SH3GL1: variants seen among roughly 807,000 people sequenced by gnomAD.
SH3GL1 encodes the protein endophilin-A2.
Under a neutral mutation model 48.8 loss-of-function variants are expected in SH3GL1, and 21 were observed. The observed-to-expected ratio is 0.43, with a 90% CI of 0.30 to 0.62. SH3GL1 has a LOEUF of 0.62. SH3GL1 is among the 20% of genes least tolerant of loss of function. SH3GL1 has a pLI of 0.11. For missense variants in SH3GL1, 454 were observed against 503.0 expected, an observed-to-expected ratio of 0.90 and a Z score of 0.93; for synonymous variants, 282 against 217.5, an observed-to-expected ratio of 1.30 and a Z score of -2.61.
intron 1 of SH3GL1, among the ~76,000 whole-genome samples, chr19:4,399,061 G>C (rs898153354): frequency 2.0e-5 from 3 of 152,118 alleles, no homozygotes; most frequent in African/African-American, 7.2e-5. Flanking sequence ...GGCTTACGTC[G>C]ATAATCCCAG....
At chr19:4,397,145 T>A (rs1973440170) in intron 1 of SH3GL1, among the ~76,000 whole-genome samples, 1 of 152,102 alleles carries the variant, frequency 6.6e-6, no homozygotes, top group Admixed American at 6.5e-5. Context: ...TACGTCCAGA[T>A]AACAGCTGAG....
chr19:4,399,344 C>CAAAAA (rs1973479316), intron 1 of SH3GL1, among the ~76,000 whole-genome samples: 1 of 72,920 alleles, frequency 1.4e-5, no homozygotes, highest in African/African-American at 5.2e-5. Context: ...AAAAAAAAAT[C>CAAAAA]CAAGAAGTGT....
rs757649092 is a variant in SH3GL1, at chr19:4,360,380, G to A, written c.*1220C>T. 1.1e-5 allele frequency: 3 copies of A among 262,366 alleles called. No homozygotes were observed. The highest frequency in any genetic ancestry group is 5.8e-5 in the East Asian group (1 of 17,168). 16.3% of individuals were successfully genotyped at this position (262,366 alleles called of 1,614,324 possible). ...GACGAGGCAAGGGGCTGTAGAAAGAGACATTTAATACTTCTGTTTACAAAA... is the reference window on the plus strand; with the variant it reads ...GACGAGGCAAGGGGCTGTAGAAAGAAACATTTAATACTTCTGTTTACAAAA... On this transcript the variant is annotated 3_prime_UTR_variant, in exon 10 of 10. Coordinates refer to ENST00000269886, the MANE Select transcript of SH3GL1 (RefSeq NM_003025.4).
chr19:4,385,338 G>A (rs777459099), intron 1 of SH3GL1, among the ~76,000 whole-genome samples: 2 of 152,184 alleles, frequency 1.3e-5, no homozygotes, highest in East Asian at 1.9e-4. Context: ...ACCTTCATGA[G>A]GTGCCTGAAC....
At chr19:4,378,257 C>T (rs772234439) in intron 1 of SH3GL1, among the ~76,000 whole-genome samples, 37 of 152,150 alleles carry the variant, frequency 2.4e-4, no homozygotes, top group Non-Finnish European at 2.1e-4. Context: ...CGTAACGCCA[C>T]GAGGCAAGCA....
At chr19:4,370,027 T>C (rs1468588660) in intron 1 of SH3GL1, among the ~76,000 whole-genome samples, 2 of 96,838 alleles carry the variant, frequency 2.1e-5, no homozygotes, top group African/African-American at 9.5e-5. Flanking sequence ...CTCACTGCGG[T>C]CTCCACACCA....
chr19:4,374,778 G>A (rs1170887513), intron 1 of SH3GL1, among the ~76,000 whole-genome samples: 1 of 152,194 alleles, frequency 6.6e-6, no homozygotes, highest in Non-Finnish European at 1.5e-5. Flanking sequence ...TGACTCAGCA[G>A]TCCTTGGAAA....
chr19:4,391,238 A>G (rs1399208899), intron 1 of SH3GL1, among the ~76,000 whole-genome samples: 1 of 152,170 alleles, frequency 6.6e-6, no homozygotes, highest in Admixed American at 6.5e-5. Flanking sequence ...GAGCAGTGTC[A>G]TGTTCTCTGT....
At chr19:4,377,756 A>G (rs889890110) in intron 1 of SH3GL1, among the ~76,000 whole-genome samples, 1 of 152,040 alleles carries the variant, frequency 6.6e-6, no homozygotes, top group Non-Finnish European at 1.5e-5. Context: ...CTCCTTACAC[A>G]GTGATGTCGG....
At position 4,361,541 on chromosome 19, in the gene SH3GL1, G is replaced by A; in HGVS notation, c.*59C>T. The A allele has an allele frequency of 7.5e-7, 1 of 1,334,592 alleles. No homozygotes were observed. Among genetic ancestry groups the A allele is most frequent in the East Asian group, 2.4e-5 (1 of 42,354 alleles). The allele number at this position is 1,334,592 out of a possible 1,614,324, so 82.7% of individuals were successfully genotyped here. A position where few individuals can be genotyped will look rare whatever the true frequency, so the allele number is the denominator to read the frequency against. ...AGCAGGGGCTCCGTGGAATGCAGGA[G>A]ACCCAGCAGGGGGTGCCGGCCAGTG... On this transcript the variant is annotated 3_prime_UTR_variant, in exon 10 of 10. Coordinates refer to ENST00000269886, the MANE Select transcript of SH3GL1 (RefSeq NM_003025.4).
chr19:4,374,613 C>T (rs984827032), intron 1 of SH3GL1, among the ~76,000 whole-genome samples: 2 of 152,258 alleles, frequency 1.3e-5, no homozygotes, highest in African/African-American at 2.4e-5. Context: ...CCGGGACAGC[C>T]TCCTCCCTGG....
Position 4,361,528 on chromosome 19 carries a change from G to A in SH3GL1, c.*72C>T, listed in dbSNP as rs1040321796. On this transcript the variant is annotated 3_prime_UTR_variant, in exon 10 of 10. Transcript: ENST00000269886. ...ACACCGCCCTGGCAGCAGGGGCTCCGTGGAATGCAGGAGACCCAGCAGGGG... is the reference window on the plus strand; with the variant it reads ...ACACCGCCCTGGCAGCAGGGGCTCCATGGAATGCAGGAGACCCAGCAGGGG... The A allele has an allele frequency of 8.5e-5, 104 of 1,218,566 alleles. 1 individual carries two copies. The East Asian group carries it at 2.1e-3, about 24-fold the overall frequency. 75.5% of individuals were successfully genotyped at this position (1,218,566 alleles called of 1,614,324 possible).
chr19:4,396,683 T>C (rs1973430710), intron 1 of SH3GL1, among the ~76,000 whole-genome samples: 1 of 151,930 alleles, frequency 6.6e-6, no homozygotes. Flanking sequence ...TCAAGCAGGG[T>C]TTCTCAAATT....
In SH3GL1 at chr19:4,389,859, T is replaced by C. The variant is rs879732649; in HGVS notation, c.45+10465A>G. On this transcript the variant is annotated intron_variant, in intron 1 of 9. Transcript: ENST00000269886. This position sits in a 1 kb window ranked among gnomAD's most constrained non-coding sequence, Gnocchi z 4.5. Reference sequence around the variant, plus strand: ...AATCACTCCCATTGGCATGAAACCATGTGGGGAGCTGTCCACTTGGGGGCC... The same window carrying C: ...AATCACTCCCATTGGCATGAAACCACGTGGGGAGCTGTCCACTTGGGGGCC... Among the ~76,000 whole-genome samples the C allele has an allele frequency of 1.3e-5, 2 of 152,172 alleles. No homozygotes were observed. Among genetic ancestry groups the C allele is most frequent in the Non-Finnish European group, 2.9e-5 (2 of 68,012 alleles).
At position 4,366,971 on chromosome 19, in the gene SH3GL1, C is replaced by T. The variant is rs776503564; in HGVS notation, c.69G>A (p.Gly23=). Residue 23 remains glycine, a synonymous_variant, in exon 2 of 10, where the codon GGG becomes GGA. Transcript: ENST00000269886. ...ASQLVSEKVG[G]AEGTKLDDDF... ...CATCATCCAGCTTGGTCCCCTCGGC[C>T]CCTCCGACCTTCTCACTGACCAGCT... 1 of 1,613,912 alleles carries T rather than the reference C, an allele frequency of 6.2e-7. No individual in the cohort carries two copies. Among genetic ancestry groups the T allele is most frequent in the African/African-American group, 1.3e-5 (1 of 74,934 alleles).
At chr19:4,379,454 G>A (rs1360974306) in intron 1 of SH3GL1, among the ~76,000 whole-genome samples, 2 of 151,522 alleles carry the variant, frequency 1.3e-5, no homozygotes. Context: ...AAGCAGCAAA[G>A]GACCAAGAGA....
At chr19:4,368,344 G>A (rs1972826566) in intron 1 of SH3GL1, among the ~76,000 whole-genome samples, 1 of 152,236 alleles carries the variant, frequency 6.6e-6, no homozygotes, top group Admixed American at 6.5e-5. Flanking sequence ...CCCAAGAGCA[G>A]GAAGTGCGGG....
chr19:4,380,933 C>T lies in SH3GL1; in HGVS notation c.46-13939G>A, dbSNP rs995046213. ...TGGAACCCCAGCTCTTAGCAGGGCA[C>T]CTCAAGCCAACATGGCAAAGTGAAC... On this transcript the variant is annotated intron_variant, in intron 1 of 9. Transcript: ENST00000269886. 2.0e-5 allele frequency among the ~76,000 whole-genome samples: 3 copies of T among 152,112 alleles called. No homozygotes were observed. The South Asian group carries it at 6.2e-4, about 31-fold the overall frequency.
At chr19:4,396,326 G>A (rs2144930627) in intron 1 of SH3GL1, among the ~76,000 whole-genome samples, 1 of 152,230 alleles carries the variant, frequency 6.6e-6, no homozygotes, top group South Asian at 2.1e-4. Flanking sequence ...TTGAACAGAG[G>A]AGGCGGAGGT....
Sources: gnomAD v4.1 joint callset for allele counts (sites outside exome capture counted in the v4.1 genomes callset) on GRCh38, gnomAD v4.1.1 for gene constraint, Gnocchi (gnomAD v3.1) non-coding constraint, MANE v1.5 for transcripts, NCBI Gene and HGNC (gene_info 2026-07-23, HGNC 2026-07-21) for gene names.